GMDS: variants seen among roughly 807,000 people sequenced by gnomAD.
GMDS encodes the protein GDP-mannose 4,6-dehydratase.
A neutral mutation model predicts 49.9 loss-of-function variants in GMDS; 20 were observed. The ratio of observed to expected loss-of-function variants is 0.40; its 90% CI spans 0.28 to 0.58. The LOEUF is 0.58. Among genes scored for constraint, GMDS ranks in the 20% least tolerant of loss-of-function variants. The probability of loss-of-function intolerance (pLI) is 0.42; values close to 1 mark genes in which losing one functional copy is unlikely to be tolerated. For synonymous variants in GMDS, 177 were observed against 178.6 expected (o/e 0.99, Z 0.07); for missense variants, 362 against 481.4 (o/e 0.75, Z 2.32).
At chr6:1,645,882 T>G (rs746425830) in intron 9 of GMDS, among the ~76,000 whole-genome samples, 11 of 152,220 alleles carry the variant, frequency 7.2e-5, no homozygotes, top group Non-Finnish European at 1.3e-4. Context: ...TTGTTAACAA[T>G]CTGTGGTTAT....
intron 1 of GMDS, among the ~76,000 whole-genome samples, chr6:2,173,025 TCA>T (rs1778096424): frequency 6.6e-6 from 1 of 152,190 alleles, no homozygotes; most frequent in South Asian, 2.1e-4. Context: ...TGCCGTGTTC[TCA>T]GTTTCCAAAG....
rs535047002 is a variant in GMDS at position 1,750,418 on chromosome 6, G to A, written c.772-7832C>T. ...CATTGGGACTGGTTAGACAGTGGGTGCAGCCCATGGAGGGTGAGCCGAAGC... is the reference window on the plus strand; with the variant it reads ...CATTGGGACTGGTTAGACAGTGGGTACAGCCCATGGAGGGTGAGCCGAAGC... On this transcript the variant is annotated intron_variant, in intron 7 of 10. Coordinates refer to ENST00000380815, the MANE Select transcript of GMDS (RefSeq NM_001500.4). Among the ~76,000 whole-genome samples the A allele has an allele frequency of 2.8e-4, 42 of 152,318 alleles. No individual in the cohort carries two copies. In the South Asian group the frequency reaches 7.9e-3, roughly 29 times the overall value.
chr6:2,017,498 A>C (rs1253904124), intron 4 of GMDS, among the ~76,000 whole-genome samples: 1 of 152,098 alleles, frequency 6.6e-6, no homozygotes, highest in Admixed American at 6.5e-5. Flanking sequence ...TAGTAGAGAC[A>C]GGGTTTCACC....
At chr6:2,079,794 GTA>G in intron 4 of GMDS, among the ~76,000 whole-genome samples, 1 of 152,110 alleles carries the variant, frequency 6.6e-6, no homozygotes, top group East Asian at 1.9e-4. Context: ...TTCTTGCATT[GTA>G]TATGTTTGCG....
At chr6:2,006,370 G>C (rs1483052020) in intron 4 of GMDS, among the ~76,000 whole-genome samples, 1 of 151,972 alleles carries the variant, frequency 6.6e-6, no homozygotes, top group Non-Finnish European at 1.5e-5. Context: ...TGACGTTGCA[G>C]TGAGCTATGA....
rs10523956 is a variant in GMDS, at chr6:2,013,925, CAT to C, written c.346-52961_346-52960del. Among the ~76,000 whole-genome samples the C allele has an allele frequency of 3.9e-3, 482 of 125,018 alleles. 5 individuals are homozygous for C. The highest frequency in any genetic ancestry group is 6.7e-3 in the African/African-American group (190 of 28,368). 82.0% of individuals were successfully genotyped at this position (125,018 alleles called of 152,430 possible). A position where few individuals can be genotyped will look rare whatever the true frequency, so the allele number is the denominator to read the frequency against. ...AGAGAACACCAGAGAGGATAAAAACCATATATATATATATATATATATATATA... is the reference window on the plus strand; with the variant it reads ...AGAGAACACCAGAGAGGATAAAAACCATATATATATATATATATATATATA... On this transcript the variant is annotated intron_variant, in intron 4 of 10. Transcript: ENST00000380815.
chr6:1,718,338 C>T (rs1296544305), intron 9 of GMDS, among the ~76,000 whole-genome samples: 1 of 152,170 alleles, frequency 6.6e-6, no homozygotes, highest in African/African-American at 2.4e-5. Flanking sequence ...ACACCTCCCC[C>T]TGCAAAGTAA....
rs573329766 is a variant in GMDS at position 1,711,252 on chromosome 6, C to T, written c.987+15164G>A. ...CCACTTACCGAGGCTTGGCCAGCCT[C>T]AGAGCCGGCTGCCTCAGGATCCCTG... On this transcript the variant is annotated intron_variant, in intron 9 of 10. Transcript: ENST00000380815. Among the ~76,000 whole-genome samples, 71 of 152,372 alleles carry T rather than the reference C, an allele frequency of 4.7e-4. 1 individual carries two copies. The highest frequency in any genetic ancestry group is 1.7e-3 in the African/African-American group (71 of 41,592).
At chr6:2,209,768 T>C (rs529499701) in intron 1 of GMDS, among the ~76,000 whole-genome samples, 2 of 152,012 alleles carry the variant, frequency 1.3e-5, no homozygotes, top group East Asian at 3.9e-4. Flanking sequence ...GGGAGGAAAA[T>C]CTATCTTCGG....
chr6:1,896,308 G>A (rs544334271), intron 7 of GMDS, among the ~76,000 whole-genome samples: 1 of 152,182 alleles, frequency 6.6e-6, no homozygotes, highest in Non-Finnish European at 1.5e-5. Flanking sequence ...GCTGCCTTTA[G>A]AGAAGCACTG....
intron 6 of GMDS, among the ~76,000 whole-genome samples, chr6:1,957,835 C>T (rs1478884811): frequency 1.3e-5 from 2 of 152,178 alleles, no homozygotes; most frequent in Non-Finnish European, 2.9e-5. Context: ...AGGGGTCTCA[C>T]TATGTTGCCC....
At chr6:1,760,060 C>T (rs1768100390) in intron 7 of GMDS, among the ~76,000 whole-genome samples, 1 of 152,132 alleles carries the variant, frequency 6.6e-6, no homozygotes, top group Non-Finnish European at 1.5e-5. Flanking sequence ...GCGGAGCCAG[C>T]TGGAGAGACT....
At chr6:1,779,540 T>C (rs1354062241) in intron 7 of GMDS, among the ~76,000 whole-genome samples, 1 of 152,096 alleles carries the variant, frequency 6.6e-6, no homozygotes, top group Admixed American at 6.5e-5. Flanking sequence ...CGAGAAACAA[T>C]GCGTGTGACC....
chr6:1,661,713 T>C (rs915949856), intron 9 of GMDS, among the ~76,000 whole-genome samples: 1 of 152,144 alleles, frequency 6.6e-6, no homozygotes, highest in Admixed American at 6.5e-5. Flanking sequence ...AAAGAGTTAG[T>C]AAGAGTCTGA....
chr6:2,207,013 T>C (rs1779837338), intron 1 of GMDS, among the ~76,000 whole-genome samples: 1 of 152,188 alleles, frequency 6.6e-6, no homozygotes, highest in Admixed American at 6.5e-5. Flanking sequence ...AGAGAAAACA[T>C]AAGTTTTACT....
intron 1 of GMDS, among the ~76,000 whole-genome samples, chr6:2,158,992 G>C (rs1562107284): frequency 2.6e-5 from 4 of 152,178 alleles, no homozygotes; most frequent in Non-Finnish European, 5.9e-5. Context: ...GGTTTAGAAG[G>C]AAGATAAGTA....
At chr6:1,863,920 T>C (rs1231774354) in intron 7 of GMDS, among the ~76,000 whole-genome samples, 1 of 152,118 alleles carries the variant, frequency 6.6e-6, no homozygotes, top group African/African-American at 2.4e-5. Flanking sequence ...TTCTAATGTG[T>C]CATTTAAAAA....
At chr6:1,698,349 A>C (rs1765415574) in intron 9 of GMDS, among the ~76,000 whole-genome samples, 1 of 152,204 alleles carries the variant, frequency 6.6e-6, no homozygotes, top group Admixed American at 6.5e-5. Flanking sequence ...AAGATCTTTT[A>C]AACGCAAACC....
intron 1 of GMDS, among the ~76,000 whole-genome samples, chr6:2,221,734 G>A (rs1414968043): frequency 6.6e-6 from 1 of 152,124 alleles, no homozygotes; most frequent in Non-Finnish European, 1.5e-5. Context: ...TTTGCAACAT[G>A]AGTAAATGAA....
Sources: allele counts gnomAD v4.1 joint callset (sites outside exome capture counted in the v4.1 genomes callset), GRCh38; gene constraint gnomAD v4.1.1; transcripts MANE v1.5; gene names NCBI Gene and HGNC (gene_info 2026-07-23, HGNC 2026-07-21).